The following SPATA13 variants were observed in gnomAD, a reference collection of about 807,000 sequenced individuals.
The protein encoded by SPATA13 is spermatogenesis associated 13, also known as spermatogenesis-associated protein 13.
SPATA13 carries 50 observed loss-of-function variants against 104.0 expected under a neutral mutation model. The observed-to-expected ratio is 0.48, with a 90% CI of 0.38 to 0.61. The LOEUF (loss-of-function observed/expected upper bound fraction) is 0.61. Ranked by LOEUF, SPATA13 falls within the 20% of genes least tolerant of loss-of-function variation. SPATA13 has a pLI of 0.00. For missense variants in SPATA13, 1,524 were observed against 1,690.6 expected (o/e 0.90, Z 1.73); for synonymous variants, 606 against 667.5 (o/e 0.91, Z 1.42).
At position 24,160,898 on chromosome 13, in the gene SPATA13, G is replaced by A. The variant is rs1218952718; in HGVS notation, c.-146G>A. 1 of 985,516 alleles carries A rather than the reference G, an allele frequency of 1.0e-6. No individual in the cohort carries two copies. The highest frequency in any genetic ancestry group is 1.2e-6 in the Non-Finnish European group (1 of 830,112). The allele number at this position is 985,516 out of a possible 1,614,324, so 61.0% of individuals were successfully genotyped here. ...AGGGCAGGGACGTGTTGGACACGCT[G>A]ACTTTGTAGGCTCCGCCAAGAGGCG... On this transcript the variant is annotated 5_prime_UTR_variant, in exon 1 of 13. Coordinates refer to ENST00000382108, the MANE Select transcript of SPATA13 (RefSeq NM_001166271.3).
chr13:24,221,877 A>G (rs1369091580), intron 1 of SPATA13, among the ~76,000 whole-genome samples: 1 of 149,866 alleles, frequency 6.7e-6, no homozygotes, highest in Non-Finnish European at 1.5e-5. Context: ...CAGTGGCGCA[A>G]TCTTGGCTCA....
At chr13:24,009,603 A>G (rs1382213600) in intron 2 of SPATA13, among the ~76,000 whole-genome samples, 1 of 152,142 alleles carries the variant, frequency 6.6e-6, no homozygotes, top group East Asian at 1.9e-4. Context: ...AAATTTTCTG[A>G]ATGGCAATTG....
intron 2 of SPATA13, among the ~76,000 whole-genome samples, chr13:24,014,007 G>C (rs780084660): frequency 2.0e-5 from 3 of 152,142 alleles, no homozygotes; most frequent in Non-Finnish European, 4.4e-5. Flanking sequence ...CTCCAAACCC[G>C]TCACGCAAAG....
chr13:24,238,808 A>C (rs1872695815), intron 2 of SPATA13, among the ~76,000 whole-genome samples: 2 of 152,216 alleles, frequency 1.3e-5, no homozygotes, highest in African/African-American at 4.8e-5. Flanking sequence ...TTTCATCTGT[A>C]ATTCTTTAAC....
intron 1 of SPATA13, among the ~76,000 whole-genome samples, chr13:24,172,461 G>GT (rs998631618): frequency 3.3e-5 from 5 of 152,024 alleles, no homozygotes; most frequent in African/African-American, 1.2e-4. Context: ...TTTCTTTTGT[G>GT]TTTTTTTCTA....
intron 1 of SPATA13, among the ~76,000 whole-genome samples, chr13:24,173,889 G>C (rs1265434435): frequency 6.6e-6 from 1 of 152,114 alleles, no homozygotes; most frequent in Non-Finnish European, 1.5e-5. Flanking sequence ...AAGCATTTTT[G>C]TGTTGTATTC....
rs548331716 is a variant in SPATA13 at position 24,061,567 on chromosome 13, AG to A, written c.-112+43869del. 4.6e-5 allele frequency among the ~76,000 whole-genome samples: 7 copies of A among 152,366 alleles called. No individual in the cohort carries two copies. The South Asian group carries it at 1.5e-3, about 32-fold the overall frequency. On this transcript the variant is annotated intron_variant, in intron 3 of 14. Transcript: ENST00000424834. ...CAAAGAATGAGATTGTGTCTTTTATAGGGACATGGATGGAGCTGGAAGCCAT... is the reference window on the plus strand; with the variant it reads ...CAAAGAATGAGATTGTGTCTTTTATAGGACATGGATGGAGCTGGAAGCCAT...
chr13:24,145,864 C>T (rs1881911925), intron 3 of SPATA13, among the ~76,000 whole-genome samples: 1 of 152,174 alleles, frequency 6.6e-6, no homozygotes, highest in Admixed American at 6.5e-5. Flanking sequence ...ACAGCTGGGG[C>T]TTGGAGGAGA....
chr13:24,228,885 T>A (rs1043537223), intron 2 of SPATA13, among the ~76,000 whole-genome samples: 4 of 152,240 alleles, frequency 2.6e-5, no homozygotes, highest in African/African-American at 9.6e-5. Context: ...CTTATTTATA[T>A]CATACTGTCC....
At chr13:24,068,559 C>T (rs1407428414) in intron 3 of SPATA13, among the ~76,000 whole-genome samples, 3 of 152,214 alleles carry the variant, frequency 2.0e-5, no homozygotes, top group Non-Finnish European at 4.4e-5. Flanking sequence ...ACCACACTGT[C>T]TTACACAGTG....
chr13:24,231,667 A>G (rs1872281388), intron 2 of SPATA13, among the ~76,000 whole-genome samples: 2 of 152,196 alleles, frequency 1.3e-5, no homozygotes, highest in Admixed American at 6.5e-5. Context: ...TAATTATTCG[A>G]GGAGCTGCCA....
At chr13:24,188,202 G>A (rs912760407) in intron 1 of SPATA13, among the ~76,000 whole-genome samples, 6 of 151,974 alleles carry the variant, frequency 3.9e-5, no homozygotes, top group Admixed American at 6.6e-5. Flanking sequence ...TTAGCTGGGC[G>A]TGGCAACATG....
At chr13:24,005,626 G>C (rs1052025312) in intron 2 of SPATA13, among the ~76,000 whole-genome samples, 2 of 152,100 alleles carry the variant, frequency 1.3e-5, no homozygotes, top group African/African-American at 4.8e-5. Flanking sequence ...GGAGAGGGAT[G>C]GGGGAGATCT....
intron 1 of SPATA13, among the ~76,000 whole-genome samples, chr13:24,183,496 C>A (rs1868938920): frequency 6.6e-6 from 1 of 152,210 alleles, no homozygotes. Flanking sequence ...CTACTTTATA[C>A]AAGCTTGTCC....
intron 3 of SPATA13, among the ~76,000 whole-genome samples, chr13:24,037,665 T>C (rs563275501): frequency 7.2e-4 from 108 of 150,644 alleles, no homozygotes; most frequent in Admixed American, 1.4e-3. Flanking sequence ...GCCTCGGCCT[T>C]CCAAAGAGCT....
intron 1 of SPATA13, among the ~76,000 whole-genome samples, chr13:24,184,945 A>G (rs1293104341): frequency 6.6e-6 from 1 of 152,234 alleles, no homozygotes; most frequent in South Asian, 2.1e-4. Context: ...TTACTCTTCC[A>G]GAGTCCTAGC....
intron 3 of SPATA13, among the ~76,000 whole-genome samples, chr13:24,142,083 G>A (rs1881780866): frequency 6.6e-6 from 1 of 150,422 alleles, no homozygotes. Context: ...AGCAATCTTG[G>A]ACAGTATTAA....
At chr13:24,002,869 G>T (rs148384376) in intron 2 of SPATA13, among the ~76,000 whole-genome samples, 3 of 152,296 alleles carry the variant, frequency 2.0e-5, no homozygotes, top group Non-Finnish European at 4.4e-5. Flanking sequence ...AAACTCATTG[G>T]TCATCCCTGG....
chr13:24,141,330 T>A (rs1007451042), intron 3 of SPATA13, among the ~76,000 whole-genome samples: 2 of 152,058 alleles, frequency 1.3e-5, no homozygotes, highest in Non-Finnish European at 2.9e-5. Context: ...TAATTAACCC[T>A]ACAGATAATT....
Sources: allele counts gnomAD v4.1 joint callset (sites outside exome capture counted in the v4.1 genomes callset), GRCh38; gene constraint gnomAD v4.1.1; transcripts MANE v1.5; gene names NCBI Gene and HGNC (gene_info 2026-07-23, HGNC 2026-07-21).